Variants in PRUNE2 observed in about 807,000 individuals in gnomAD.
The protein encoded by PRUNE2 is prune homolog 2 with BCH domain.
A neutral mutation model predicts 252.0 loss-of-function variants in PRUNE2; 164 were observed. The observed-to-expected ratio is 0.65, with a 90% CI of 0.57 to 0.74. The LOEUF (loss-of-function observed/expected upper bound fraction) is 0.74, where lower values mean the gene tolerates loss of function less well. Among genes scored for constraint, PRUNE2 ranks in the 30% least tolerant of loss-of-function variants. PRUNE2 has a pLI of 0.00. For missense variants in PRUNE2, 3,495 were observed against 3,711.0 expected (o/e 0.94, Z 1.51); for synonymous variants, 1,292 against 1,350.2 (o/e 0.96, Z 0.94).
chr9:76,761,632 C>G (rs953539342), intron 6 of PRUNE2, among the ~76,000 whole-genome samples: 1 of 152,134 alleles, frequency 6.6e-6, no homozygotes, highest in Non-Finnish European at 1.5e-5. Flanking sequence ...AGACATTTTA[C>G]TTTTGGTCAC....
At chr9:76,788,578 T>C in intron 6 of PRUNE2, 1 of 708,464 alleles carries the variant, frequency 1.4e-6, no homozygotes, top group Non-Finnish European at 2.6e-6. Context: ...GTGTGGCAAG[T>C]ATTGAATAAA....
chr9:76,749,568 C>T (rs992536471), intron 6 of PRUNE2, among the ~76,000 whole-genome samples: 15 of 152,174 alleles, frequency 9.9e-5, no homozygotes, highest in Admixed American at 6.5e-4. Context: ...TGCGTGTAAC[C>T]GTTAGAGAGG....
chr9:76,854,229 A>G, intron 1 of PRUNE2, 21 bp from the exon 2 acceptor site: 1 of 1,382,138 alleles, frequency 7.2e-7, no homozygotes, highest in Non-Finnish European at 1.0e-6. Context: ...TTCAAAGGAA[A>G]CATCACAATT....
intron 6 of PRUNE2, among the ~76,000 whole-genome samples, chr9:76,796,013 A>C (rs913167940): frequency 1.1e-4 from 16 of 152,354 alleles, no homozygotes; most frequent in African/African-American, 3.6e-4. Flanking sequence ...TTACTGTTCC[A>C]ATCACTCACT....
chr9:76,706,469 G>A lies in PRUNE2; in HGVS notation c.5805C>T (p.Asp1935=). ...LVKLDQIKEK[D]SREQTFVSAA... ...CAGACACAAAGGTTTGCTCTCTTGAGTCCTTTTCTTTAATTTGGTCTAATT... is the reference window on the plus strand; with the variant it reads ...CAGACACAAAGGTTTGCTCTCTTGAATCCTTTTCTTTAATTTGGTCTAATT... The change falls in exon 8 of 19, where the codon GAC becomes GAT. Residue 1935 remains aspartate (D), a synonymous_variant. Coordinates refer to ENST00000376718, the MANE Select transcript of PRUNE2 (RefSeq NM_015225.3). 1 of 1,613,984 alleles carries A rather than the reference G, an allele frequency of 6.2e-7. No homozygotes were observed. Among genetic ancestry groups the A allele is most frequent in the South Asian group, 1.1e-5 (1 of 91,082 alleles).
intron 9 of PRUNE2, chr9:76,692,291 A>C: frequency 1.6e-6 from 1 of 620,614 alleles, no homozygotes; most frequent in Admixed American, 2.7e-5. Context: ...GGCTGTGCTG[A>C]GTTTCATTTG....
At chr9:76,870,685 CAAAAA>C (rs199892073) in intron 1 of PRUNE2, among the ~76,000 whole-genome samples, 3 of 82,336 alleles carry the variant, frequency 3.6e-5, no homozygotes, top group African/African-American at 1.2e-4. Flanking sequence ...GATTCTGTCT[CAAAAA>C]AAAAAAAAAA....
At chr9:76,622,741 T>C (rs962785808) in intron 17 of PRUNE2, among the ~76,000 whole-genome samples, 2 of 152,182 alleles carry the variant, frequency 1.3e-5, no homozygotes, top group East Asian at 1.9e-4. Context: ...AACTTCTTGT[T>C]TGTGACAGTT....
chr9:76,871,109 A>C (rs2061171403), intron 1 of PRUNE2, among the ~76,000 whole-genome samples: 1 of 152,234 alleles, frequency 6.6e-6, no homozygotes, highest in Non-Finnish European at 1.5e-5. Context: ...AATGAGGATC[A>C]CCAAAGCCTG....
chr9:76,727,645 CTTTTT>C (rs577095894), intron 6 of PRUNE2, among the ~76,000 whole-genome samples: 1 of 72,714 alleles, frequency 1.4e-5, no homozygotes, highest in African/African-American at 4.3e-5. Flanking sequence ...TCTTCTTCTT[CTTTTT>C]TTTTTTTTTT....
At chr9:76,739,679 A>C (rs1310075434) in intron 6 of PRUNE2, 1 of 152,202 alleles carries the variant, frequency 6.6e-6, no homozygotes, top group Non-Finnish European at 1.5e-5. Context: ...AAAGGCCATA[A>C]ATATCACATC....
Position 76,613,901 on chromosome 9 carries a change from C to A in PRUNE2, c.*669G>T, listed in dbSNP as rs1206296346. The A allele has an allele frequency of 6.7e-6, 1 of 149,820 alleles. No individual in the cohort carries two copies. The highest frequency in any genetic ancestry group is 1.5e-5 in the Non-Finnish European group (1 of 67,938). The allele number at this position is 149,820 out of a possible 1,614,324, so 9.3% of individuals were successfully genotyped here. On this transcript the variant is annotated 3_prime_UTR_variant, in exon 19 of 19. Transcript: ENST00000376718. ...AATTTCACAATGTGGTGGTCACCAA[C>A]ATTCATCAGGAAAATGATGTTAAAA... is the stretch of plus-strand genomic sequence containing the variant.
At chr9:76,888,601 T>TTAGATAATA (rs1304691576) in intron 1 of PRUNE2, among the ~76,000 whole-genome samples, 1 of 149,202 alleles carries the variant, frequency 6.7e-6, no homozygotes, top group East Asian at 2.0e-4. Context: ...TAACTATTAT[T>TTAGATAATA]ATTATTATTA....
At chr9:76,851,881 G>C (rs1428495260) in intron 2 of PRUNE2, among the ~76,000 whole-genome samples, 1 of 152,118 alleles carries the variant, frequency 6.6e-6, no homozygotes, top group Non-Finnish European at 1.5e-5. Context: ...TAAAAATAAA[G>C]GTGCTTTAAA....
chr9:76,898,397 G>C lies in PRUNE2; in HGVS notation c.36+7531C>G, dbSNP rs2062973276. Among the ~76,000 whole-genome samples the C allele has an allele frequency of 1.3e-5, 2 of 152,144 alleles. 1 individual carries two copies. The highest frequency in any genetic ancestry group is 1.3e-4 in the Admixed American group (2 of 15,272). ...AAGGATGGGAACACAGACAATCTTT[G>C]GACTGTGTTGATGTTTCCTTTCAGC... On this transcript the variant is annotated intron_variant, in intron 1 of 18. Transcript: ENST00000376718.
chr9:76,681,697 A>ACCAC (rs1198229366), intron 9 of PRUNE2, among the ~76,000 whole-genome samples: 1 of 152,078 alleles, frequency 6.6e-6, no homozygotes, highest in Non-Finnish European at 1.5e-5. Flanking sequence ...TTACCCCTGA[A>ACCAC]CCACCAGAAA....
Position 76,707,345 on chromosome 9 carries a change from G to C in PRUNE2, c.4929C>G (p.Gly1643=). The change falls in exon 8 of 19, where the codon GGC becomes GGG. Residue 1643 remains glycine, a synonymous_variant. Coordinates refer to ENST00000376718, the MANE Select transcript of PRUNE2 (RefSeq NM_015225.3). The part of the protein sequence containing the change: ...SFSSLSSPET[G]KYSEHSGTHQ... ...GTGTCCCTGAATGTTCAGAATATTT[G>C]CCTGTTTCAGGACTGGATAAAGAGG... 1.2e-6 allele frequency: 2 copies of C among 1,613,906 alleles called. No individual in the cohort carries two copies. Among genetic ancestry groups the C allele is most frequent in the Non-Finnish European group, 1.7e-6 (2 of 1,179,846 alleles).
chr9:76,852,275 A>T (rs7037333), intron 2 of PRUNE2, among the ~76,000 whole-genome samples: 15,171 of 152,308 alleles, frequency 0.1, 1,116 homozygotes, highest in African/African-American at 0.21. Flanking sequence ...CAACTTATGT[A>T]TGGCAAGTTA....
chr9:76,892,730 A>G (rs565580278), intron 1 of PRUNE2, among the ~76,000 whole-genome samples: 202 of 152,330 alleles, frequency 1.3e-3, no homozygotes, highest in African/African-American at 4.8e-3. Flanking sequence ...ACTATCACGA[A>G]AGGTCATGCT....
Sources: allele counts gnomAD v4.1 joint callset (sites outside exome capture counted in the v4.1 genomes callset), GRCh38; gene constraint gnomAD v4.1.1; transcripts MANE v1.5; gene names NCBI Gene and HGNC (gene_info 2026-07-23, HGNC 2026-07-21).